Variants in MEF2A observed in about 807,000 individuals in gnomAD.
MEF2A encodes myocyte enhancer factor 2A.
Under a neutral mutation model 55.8 loss-of-function variants are expected in MEF2A, and 28 were observed. The observed-to-expected ratio is 0.50, with a 90% CI of 0.37 to 0.69. MEF2A has a LOEUF of 0.69. Among genes scored for constraint, MEF2A ranks in the 30% least tolerant of loss-of-function variants. MEF2A has a pLI of 0.00. For missense variants in MEF2A, 528 were observed against 626.2 expected, an observed-to-expected ratio of 0.84 and a Z score of 1.67; for synonymous variants, 239 against 227.1, an observed-to-expected ratio of 1.05 and a Z score of -0.47.
At chr15:99,650,128 C>A (rs1404471342) in intron 4 of MEF2A, among the ~76,000 whole-genome samples, 4 of 151,486 alleles carry the variant, frequency 2.6e-5, no homozygotes, top group East Asian at 2.0e-4. Flanking sequence ...AAAAAAAATT[C>A]TTCTCGCAGT....
At chr15:99,645,892 C>T in intron 4 of MEF2A, 128 bp downstream of exon 4, 1 of 648,904 alleles carries the variant, frequency 1.5e-6, no homozygotes, top group East Asian at 2.8e-5. Context: ...TTCTCTAAAT[C>T]ATTTCTTAGA....
Position 99,601,737 on chromosome 15 carries a change from C to G in MEF2A, c.-143+3226C>G, listed in dbSNP as rs573445371. On this transcript the variant is annotated intron_variant, in intron 2 of 11. Coordinates refer to ENST00000557942, the MANE Select transcript of MEF2A (RefSeq NM_001319206.4). ...TTTTGTGTATTGCTGGATTCACTTG[C>G]TAAAATTGCGTTGACTCTTTTAAAA... Among the ~76,000 whole-genome samples, 3 of 151,596 alleles carry G rather than the reference C, an allele frequency of 2.0e-5. No homozygotes were observed. The South Asian group carries it at 6.3e-4, about 32-fold the overall frequency.
chr15:99,645,785 C>A (rs369336068), intron 4 of MEF2A, 21 bp downstream of exon 4: 1 of 1,502,362 alleles, frequency 6.7e-7, no homozygotes, highest in Non-Finnish European at 9.1e-7. Flanking sequence ...TCTAGTAATA[C>A]GTGAATTGCA....
At chr15:99,696,461 A>T (rs1387675811) in intron 8 of MEF2A, among the ~76,000 whole-genome samples, 1 of 152,192 alleles carries the variant, frequency 6.6e-6, no homozygotes, top group Non-Finnish European at 1.5e-5. Context: ...TAGTAGGAAA[A>T]TGGCCATATA....
At chr15:99,644,308 A>G (rs902205050) in intron 3 of MEF2A, among the ~76,000 whole-genome samples, 4 of 152,250 alleles carry the variant, frequency 2.6e-5, no homozygotes, top group Non-Finnish European at 4.4e-5. Context: ...CCATTGAACT[A>G]CTATACCACT....
intron 7 of MEF2A, among the ~76,000 whole-genome samples, chr15:99,677,067 G>A (rs1458677599): frequency 6.6e-6 from 1 of 151,964 alleles, no homozygotes; most frequent in Non-Finnish European, 1.5e-5. Flanking sequence ...GTTGCAGTGA[G>A]CCGAGATCAT....
chr15:99,685,875 A>G (rs2054118132), intron 7 of MEF2A, among the ~76,000 whole-genome samples: 1 of 152,148 alleles, frequency 6.6e-6, no homozygotes, highest in African/African-American at 2.4e-5. Flanking sequence ...GAATGGTAAA[A>G]TAAGATTGGT....
At chr15:99,686,920 A>AT (rs61006528) in intron 7 of MEF2A, among the ~76,000 whole-genome samples, 50,503 of 147,868 alleles carry the variant, frequency 0.34, 10,330 homozygotes, top group Middle Eastern at 0.5. Context: ...TTGTTTTTTG[A>AT]TTTTTTTTTT....
intron 2 of MEF2A, among the ~76,000 whole-genome samples, chr15:99,617,854 T>C (rs1440480915): frequency 6.6e-6 from 1 of 152,234 alleles, no homozygotes; most frequent in African/African-American, 2.4e-5. Context: ...TGCTCTGAAT[T>C]GTTTCTAATG....
chr15:99,608,265 T>C (rs1432003537), intron 2 of MEF2A, among the ~76,000 whole-genome samples: 1 of 152,214 alleles, frequency 6.6e-6, no homozygotes, highest in Non-Finnish European at 1.5e-5. Flanking sequence ...TTTAGTTAAT[T>C]TCACTGTGAA....
At chr15:99,675,343 G>C in intron 6 of MEF2A, 56 bp from the exon 7 acceptor site, 1 of 1,435,248 alleles carries the variant, frequency 7.0e-7, no homozygotes, top group African/African-American at 1.4e-5. Context: ...GTTAGGTAAA[G>C]AGAGCTAATT....
chr15:99,705,050 T>C (rs1336294601), intron 9 of MEF2A, among the ~76,000 whole-genome samples: 2 of 152,222 alleles, frequency 1.3e-5, no homozygotes, highest in African/African-American at 2.4e-5. Context: ...AACCAAAATA[T>C]AATCAGAAGC....
chr15:99,617,029 T>C (rs2153228420), intron 2 of MEF2A, among the ~76,000 whole-genome samples: 1 of 152,280 alleles, frequency 6.6e-6, no homozygotes, highest in Middle Eastern at 3.4e-3. Context: ...TACAGTCATT[T>C]ATTTGTCTTT....
intron 8 of MEF2A, 169 bp downstream of exon 8, chr15:99,690,597 C>G: frequency 1.3e-6 from 1 of 751,872 alleles, no homozygotes; most frequent in Non-Finnish European, 2.3e-6. Flanking sequence ...TTCAAATACA[C>G]AAAAATCAGA....
intron 4 of MEF2A, among the ~76,000 whole-genome samples, chr15:99,661,065 A>C (rs2048536530): frequency 6.6e-6 from 1 of 152,204 alleles, no homozygotes; most frequent in Non-Finnish European, 1.5e-5. Context: ...TACCAATGGA[A>C]TAATAGCTCA....
At chr15:99,599,157 A>G (rs867575211) in intron 2 of MEF2A, among the ~76,000 whole-genome samples, 8 of 152,178 alleles carry the variant, frequency 5.3e-5, no homozygotes, top group Non-Finnish European at 8.8e-5. Flanking sequence ...TCATATGTGT[A>G]GTCCTCAAAA....
intron 11 of MEF2A, 40 bp downstream of exon 11, chr15:99,710,800 C>T: frequency 6.3e-7 from 1 of 1,579,656 alleles, no homozygotes; most frequent in Non-Finnish European, 8.7e-7. Context: ...TTACTCCTGG[C>T]CTACACACTC....
At chr15:99,610,719 A>G (rs1255622452) in intron 2 of MEF2A, among the ~76,000 whole-genome samples, 3 of 152,146 alleles carry the variant, frequency 2.0e-5, no homozygotes, top group Admixed American at 1.3e-4. Context: ...ATGGAGGGAA[A>G]TAGCCTTTTT....
chr15:99,582,838 G>A (rs768618258), intron 1 of MEF2A, among the ~76,000 whole-genome samples: 3 of 152,058 alleles, frequency 2.0e-5, no homozygotes, highest in Non-Finnish European at 4.4e-5. Context: ...GAGAGGTCTA[G>A]TATTACAGTA....
Sources: allele counts gnomAD v4.1 joint callset (sites outside exome capture counted in the v4.1 genomes callset), GRCh38; gene constraint gnomAD v4.1.1; transcripts MANE v1.5; gene names NCBI Gene and HGNC (gene_info 2026-07-23, HGNC 2026-07-21).